The following GPR157 variants were observed in gnomAD, a reference collection of about 807,000 sequenced individuals.
GPR157 encodes G protein-coupled receptor 157.
In GPR157, 16 loss-of-function variants were observed where a neutral mutation model predicts 23.5. That is an observed-to-expected ratio of 0.68 (90% CI 0.46 to 1.04). The LOEUF is 1.04. Ranked by LOEUF, GPR157 falls within the 50% of genes least tolerant of loss-of-function variation. GPR157 has a pLI of 0.00. For missense variants in GPR157, 440 were observed against 460.7 expected, an observed-to-expected ratio of 0.96 and a Z score of 0.41; for synonymous variants, 200 against 221.5, an observed-to-expected ratio of 0.90 and a Z score of 0.86.
intron 2 of GPR157, among the ~76,000 whole-genome samples, chr1:9,106,248 C>T (rs1638319273): frequency 6.6e-6 from 1 of 152,208 alleles, no homozygotes; most frequent in South Asian, 2.1e-4. Context: ...CTGCCACCTT[C>T]TGCCACTGCC....
At chr1:9,117,719 G>A (rs1230250673) in intron 1 of GPR157, among the ~76,000 whole-genome samples, 2 of 151,936 alleles carry the variant, frequency 1.3e-5, no homozygotes, top group Non-Finnish European at 2.9e-5. Context: ...CTGAGATCGC[G>A]CCACTGTACT....
At chr1:9,123,977 C>T (rs1013104298) in intron 1 of GPR157, among the ~76,000 whole-genome samples, 2 of 151,410 alleles carry the variant, frequency 1.3e-5, no homozygotes, top group Non-Finnish European at 1.5e-5. Flanking sequence ...TGCAGCCGCA[C>T]ACCACCACAC....
At chr1:9,109,226 G>T (rs1557694977) in intron 2 of GPR157, among the ~76,000 whole-genome samples, 10 of 151,512 alleles carry the variant, frequency 6.6e-5, no homozygotes, top group Admixed American at 5.9e-4. Flanking sequence ...GGGATTCTAG[G>T]CACCTGCCAC....
rs758380252 is a variant in GPR157 at position 9,104,649 on chromosome 1, G to C, written c.793-15C>G. 1 of 1,565,326 alleles carries C rather than the reference G, an allele frequency of 6.4e-7. No individual in the cohort carries two copies. Among genetic ancestry groups the C allele is most frequent in the Non-Finnish European group, 8.7e-7 (1 of 1,149,624 alleles). ...TTCCCGATACCCTGTCGGGAGAAAAGGAGCTGTGAGCATGGGGCTGGAGTT... is the reference window on the plus strand; with the variant it reads ...TTCCCGATACCCTGTCGGGAGAAAACGAGCTGTGAGCATGGGGCTGGAGTT... On this transcript the variant is annotated splice_polypyrimidine_tract_variant and intron_variant, in intron 3 of 3. Coordinates refer to ENST00000377411, the MANE Select transcript of GPR157 (RefSeq NM_024980.5).
chr1:9,116,358 A>ATAATTATAT (rs1436425911), intron 1 of GPR157, among the ~76,000 whole-genome samples: 28 of 12,112 alleles, frequency 2.3e-3, no homozygotes, highest in East Asian at 0.019. Context: ...AATTATATAT[A>ATAATTATAT]AATTATATAT....
rs755783790 is a variant in GPR157 at position 9,104,572 on chromosome 1, G to A, written c.855C>T (p.Ala285=). The change falls in exon 4 of 4, where the codon GCC becomes GCT. Residue 285 remains alanine (A), a synonymous_variant. Coordinates refer to ENST00000377411, the MANE Select transcript of GPR157 (RefSeq NM_024980.5). ...AGAGAGAGAAGAGCCGAGTTCGGAC[G>A]GCGCGGGTGCAGAGGACGAACATGA... ...NCIMFVLCTR[A]VRTRLFSLCC... is the part of the protein sequence containing the mutation. The A allele has an allele frequency of 7.9e-5, 127 of 1,613,694 alleles. No individual in the cohort carries two copies. The highest frequency in any genetic ancestry group is 9.9e-5 in the Non-Finnish European group (117 of 1,179,898).
intron 2 of GPR157, among the ~76,000 whole-genome samples, chr1:9,110,830 T>C (rs1354285383): frequency 6.6e-6 from 1 of 152,210 alleles, no homozygotes; most frequent in Non-Finnish European, 1.5e-5. Flanking sequence ...TCACTGATTG[T>C]GAAATTCCAC....
chr1:9,122,201 G>C (rs546248699), intron 1 of GPR157, among the ~76,000 whole-genome samples: 21 of 152,264 alleles, frequency 1.4e-4, no homozygotes, highest in Non-Finnish European at 1.5e-5. Flanking sequence ...GGTGGGCGTG[G>C]TAAACACACA....
Position 9,105,746 on chromosome 1 carries a change from GC to G in GPR157, c.598-67del. ...CCCTCCCGCCACGTCCACCCAGGCT[GC>G]CCAGGTCTTCCCAGGGACTTGAACT... On this transcript the variant is annotated intron_variant, in intron 2 of 3. Coordinates refer to ENST00000377411, the MANE Select transcript of GPR157 (RefSeq NM_024980.5). This position sits in a 1 kb window ranked among gnomAD's most constrained non-coding sequence, Gnocchi z 4.8. The G allele has an allele frequency of 1.4e-6, 2 of 1,409,978 alleles. No individual in the cohort carries two copies. Among genetic ancestry groups the G allele is most frequent in the Non-Finnish European group, 1.9e-6 (2 of 1,031,578 alleles). The allele number at this position is 1,409,978 out of a possible 1,614,324, so 87.3% of individuals were successfully genotyped here.
intron 1 of GPR157, among the ~76,000 whole-genome samples, chr1:9,125,256 C>G (rs1215766643): frequency 1.3e-5 from 2 of 151,944 alleles, no homozygotes; most frequent in Non-Finnish European, 2.9e-5. Flanking sequence ...CACTCTGTCA[C>G]TCCGGCTGGA....
At position 9,100,713 on chromosome 1, in the gene GPR157, A is replaced by C. The variant is rs1381860320; in HGVS notation, c.*3706T>G. The C allele has an allele frequency of 1.3e-5, 2 of 152,264 alleles. No individual in the cohort carries two copies. The highest frequency in any genetic ancestry group is 2.9e-5 in the Non-Finnish European group (2 of 68,100). The allele number at this position is 152,264 out of a possible 1,614,324, so 9.4% of individuals were successfully genotyped here. On this transcript the variant is annotated 3_prime_UTR_variant, in exon 4 of 4. Transcript: ENST00000377411. ...CAGGGATGCAGGCAGATGAACATTA[A>C]CCACACTAACAGAGGAGAAAGAAGC...
At position 9,129,063 on chromosome 1, in the gene GPR157, C is replaced by T. The variant is rs1330839562; in HGVS notation, c.-36G>A. ...GCCAGGAGCCGGAGCGCCGCGAGGA[C>T]AGAAGCCGGGCCGCGCGTGCGGCCA... On this transcript the variant is annotated 5_prime_UTR_variant, in exon 1 of 4. Coordinates refer to ENST00000377411, the MANE Select transcript of GPR157 (RefSeq NM_024980.5). The T allele has an allele frequency of 3.3e-6, 4 of 1,228,966 alleles. No homozygotes were observed. In the South Asian group the frequency reaches 1.1e-4, roughly 35 times the overall value. The allele number at this position is 1,228,966 out of a possible 1,614,324, so 76.1% of individuals were successfully genotyped here. A position where few individuals can be genotyped will look rare whatever the true frequency, so the allele number is the denominator to read the frequency against.
intron 1 of GPR157, among the ~76,000 whole-genome samples, chr1:9,121,362 G>T (rs1638795162): frequency 6.7e-6 from 1 of 148,228 alleles, no homozygotes; most frequent in Non-Finnish European, 1.5e-5. Context: ...AACAGGCCAG[G>T]TGTGGTGGCT....
rs1642594322 is a variant in GPR157 at position 9,103,605 on chromosome 1, G to GA, written c.*813dup. The GA allele has an allele frequency of 6.6e-6, 1 of 152,260 alleles. No individual in the cohort carries two copies. Among genetic ancestry groups the GA allele is most frequent in the Admixed American group, 6.5e-5 (1 of 15,280 alleles). 9.4% of individuals were successfully genotyped at this position (152,260 alleles called of 1,614,324 possible). On this transcript the variant is annotated 3_prime_UTR_variant, in exon 4 of 4. Coordinates refer to ENST00000377411, the MANE Select transcript of GPR157 (RefSeq NM_024980.5). ...GAGGAGGATTCTAAGAAAGGAGCTG[G>GA]AGAGACAGTGGGGTCTTCGGGGGTT... is the stretch of plus-strand genomic sequence containing the variant.
intron 1 of GPR157, among the ~76,000 whole-genome samples, chr1:9,112,767 TAG>T (rs939516299): frequency 6.8e-4 from 104 of 152,264 alleles, no homozygotes; most frequent in African/African-American, 2.5e-3. Context: ...CTCAGTTTTC[TAG>T]AGCGCTCTCC....
At position 9,128,388 on chromosome 1, in the gene GPR157, C is replaced by T. The variant is rs377327730; in HGVS notation, c.383+257G>A. ...CCGTCCAAGGAAACAGGGCCCGGCT[C>T]TGGGGGCGAACTCTGTCCCCACTAC... On this transcript the variant is annotated intron_variant, in intron 1 of 3. Transcript: ENST00000377411. This position sits in a 1 kb window ranked among gnomAD's most constrained non-coding sequence, Gnocchi z 6.3. 1 of 689,732 alleles carries T rather than the reference C, an allele frequency of 1.4e-6. No individual in the cohort carries two copies. Among genetic ancestry groups the T allele is most frequent in the Non-Finnish European group, 2.7e-6 (1 of 376,952 alleles). The allele number at this position is 689,732 out of a possible 1,614,324, so 42.7% of individuals were successfully genotyped here.
At chr1:9,107,851 CCGGGAGGCAGAGGTTACAGTG>C (rs1236226398) in intron 2 of GPR157, among the ~76,000 whole-genome samples, 2 of 152,086 alleles carry the variant, frequency 1.3e-5, no homozygotes, top group East Asian at 3.9e-4. Context: ...TTGCTTGAAC[CCGGGAGGCAGAGGTTACAGTG>C]AGCTCAGATT....
At chr1:9,106,815 T>C (rs1638349112) in intron 2 of GPR157, among the ~76,000 whole-genome samples, 1 of 152,056 alleles carries the variant, frequency 6.6e-6, no homozygotes, top group African/African-American at 2.4e-5. Context: ...AATACAAAAA[T>C]TAGCTGGTTG....
chr1:9,105,643 T>A lies in GPR157; in HGVS notation c.635A>T (p.Gln212Leu). 6.2e-7 allele frequency: 1 copy of A among 1,612,780 alleles called. No homozygotes were observed. The highest frequency in any genetic ancestry group is 8.5e-7 in the Non-Finnish European group (1 of 1,179,578). ...GGAGTGGCGCAGCAGGCGGTGCTCC[T>A]GGGAGAGGATGGGCCGGTACTCAGA... Reference protein sequence around the residue: ...ALSEYRPILSQEHRLLRHSSM... With the variant: ...ALSEYRPILSLEHRLLRHSSM... The change falls in exon 3 of 4, where the codon CAG (glutamine) becomes CTG (leucine). Residue 212 changes from glutamine to leucine, a missense_variant. Transcript: ENST00000377411. The surrounding 1 kb of genome is among the most constrained non-coding windows in gnomAD (Gnocchi z 4.8).
Sources: gnomAD v4.1 joint callset for allele counts (sites outside exome capture counted in the v4.1 genomes callset) on GRCh38, gnomAD v4.1.1 for gene constraint, Gnocchi (gnomAD v3.1) non-coding constraint, MANE v1.5 for transcripts, NCBI Gene and HGNC (gene_info 2026-07-23, HGNC 2026-07-21) for gene names.